PAFAH1B1: variants seen among roughly 807,000 people sequenced by gnomAD.
The protein encoded by PAFAH1B1 is platelet activating factor acetylhydrolase 1b regulatory subunit 1.
In PAFAH1B1, 2 loss-of-function variants were observed where a neutral mutation model predicts 57.5. The ratio of observed to expected loss-of-function variants is 0.03; its 90% confidence interval spans 0.01 to 0.11. The LOEUF is 0.11. PAFAH1B1 is among the 10% of genes least tolerant of loss of function. PAFAH1B1 has a pLI of 1.00. For missense variants in PAFAH1B1, 257 were observed against 512.0 expected (o/e 0.50, Z 4.81); for synonymous variants, 152 against 169.6 (o/e 0.90, Z 0.81).
intron 1 of PAFAH1B1, among the ~76,000 whole-genome samples, chr17:2,625,254 G>A (rs1278527879): frequency 6.6e-6 from 1 of 152,022 alleles, no homozygotes; most frequent in African/African-American, 2.4e-5. Context: ...ATATTGACAT[G>A]CAAATGAAAA....
intron 1 of PAFAH1B1, among the ~76,000 whole-genome samples, chr17:2,635,746 A>G (rs533950393): frequency 6.6e-6 from 1 of 152,170 alleles, no homozygotes; most frequent in South Asian, 2.1e-4. Context: ...TGTAATATAC[A>G]TAATATAGTG....
intron 2 of PAFAH1B1, chr17:2,640,057 G>A (rs1299314279): frequency 6.6e-6 from 1 of 152,194 alleles, no homozygotes; most frequent in Non-Finnish European, 1.5e-5. Context: ...CACTCTGTGT[G>A]TTGGGGGTCT....
intron 4 of PAFAH1B1, 62 bp from the exon 5 acceptor site, chr17:2,666,930 A>T: frequency 7.5e-7 from 1 of 1,335,188 alleles, no homozygotes; most frequent in Non-Finnish European, 1.1e-6. Context: ...GCAGTTTTTT[A>T]AAATGTCACA....
At chr17:2,647,081 G>A (rs2068778950) in intron 2 of PAFAH1B1, among the ~76,000 whole-genome samples, 4 of 152,148 alleles carry the variant, frequency 2.6e-5, no homozygotes, top group Admixed American at 6.5e-5. Context: ...TGGGCACAGT[G>A]GCTCATGCCT....
At chr17:2,618,954 CAA>C (rs34683975) in intron 1 of PAFAH1B1, among the ~76,000 whole-genome samples, 1,590 of 76,218 alleles carry the variant, frequency 0.021, 8 homozygotes, top group African/African-American at 0.047. Flanking sequence ...GACTCCGTCT[CAA>C]AAAAAAAAAA....
In PAFAH1B1 at chr17:2,685,453, C is replaced by T. The variant is rs989676095; in HGVS notation, c.*3651C>T. 6.6e-6 allele frequency: 1 copy of T among 152,436 alleles called. No individual in the cohort carries two copies. The highest frequency in any genetic ancestry group is 2.4e-5 in the African/African-American group (1 of 41,366). 9.4% of individuals were successfully genotyped at this position (152,436 alleles called of 1,614,324 possible). A position where few individuals can be genotyped will look rare whatever the true frequency, so the allele number is the denominator to read the frequency against. On this transcript the variant is annotated 3_prime_UTR_variant, in exon 11 of 11. Coordinates refer to ENST00000397195, the MANE Select transcript of PAFAH1B1 (RefSeq NM_000430.4). ...TAAGAGTTCACTGAAGATATTGACACAATTTTAAAAAATCAGTAAAGGAAT... is the reference window on the plus strand; with the variant it reads ...TAAGAGTTCACTGAAGATATTGACATAATTTTAAAAAATCAGTAAAGGAAT...
At chr17:2,597,958 G>A (rs971626394) in intron 1 of PAFAH1B1, among the ~76,000 whole-genome samples, 6 of 152,044 alleles carry the variant, frequency 3.9e-5, no homozygotes, top group Admixed American at 6.6e-5. Context: ...TTAAGATGAA[G>A]ATGTCTGGCC....
At chr17:2,677,120 T>A (rs955319367) in intron 9 of PAFAH1B1, among the ~76,000 whole-genome samples, 2 of 152,156 alleles carry the variant, frequency 1.3e-5, no homozygotes, top group Non-Finnish European at 2.9e-5. Context: ...GCCACTGCAC[T>A]CCAGCCTGGG....
At chr17:2,677,798 G>T (rs954262770) in intron 9 of PAFAH1B1, among the ~76,000 whole-genome samples, 1 of 152,046 alleles carries the variant, frequency 6.6e-6, no homozygotes, top group African/African-American at 2.4e-5. Flanking sequence ...AGCTTGCAGT[G>T]ACCGGAGATG....
rs532362500 is a variant in PAFAH1B1, at chr17:2,667,723, T to C, written c.399+525T>C. On this transcript the variant is annotated intron_variant, in intron 5 of 10. Transcript: ENST00000397195. ...TAGAGGATTCATTTAAATTGGGCTT[T>C]CCTTGATGTATTTAAAATTGGCTTT... Among the ~76,000 whole-genome samples, 201 of 152,100 alleles carry C rather than the reference T, an allele frequency of 1.3e-3. 1 individual carries two copies. The highest frequency in any genetic ancestry group is 7.0e-3 in the Admixed American group (107 of 15,280).
chr17:2,655,298 T>C (rs2068922671), intron 2 of PAFAH1B1, among the ~76,000 whole-genome samples: 1 of 151,936 alleles, frequency 6.6e-6, no homozygotes, highest in Non-Finnish European at 1.5e-5. Flanking sequence ...GGAGAATTCA[T>C]ACAAAGCCCT....
At chr17:2,663,349 G>A (rs1029686504) in intron 2 of PAFAH1B1, among the ~76,000 whole-genome samples, 1 of 152,146 alleles carries the variant, frequency 6.6e-6, no homozygotes, top group Non-Finnish European at 1.5e-5. Context: ...GCACCCTTTA[G>A]GCTGTTAGAA....
rs2068053333 is a variant in PAFAH1B1 at position 2,593,930 on chromosome 17, C to G, written c.-267C>G. On this transcript the variant is annotated 5_prime_UTR_variant, in exon 1 of 11. Coordinates refer to ENST00000397195, the MANE Select transcript of PAFAH1B1 (RefSeq NM_000430.4). ...TCCCTCCCTCCTTCCTCCCTCCCCTCTCCCTCCCCCTCCCCCGCCGGTGGA... is the reference window on the plus strand; with the variant it reads ...TCCCTCCCTCCTTCCTCCCTCCCCTGTCCCTCCCCCTCCCCCGCCGGTGGA... The G allele has an allele frequency of 7.9e-6, 3 of 380,146 alleles. No homozygotes were observed. The highest frequency in any genetic ancestry group is 6.7e-4 in the Middle Eastern group (1 of 1,498). The allele number at this position is 380,146 out of a possible 1,614,324, so 23.5% of individuals were successfully genotyped here.
At chr17:2,642,267 C>G (rs954770924) in intron 2 of PAFAH1B1, 5 of 152,202 alleles carry the variant, frequency 3.3e-5, no homozygotes, top group African/African-American at 1.2e-4. Flanking sequence ...GTCCAGAAAT[C>G]CAAAATGCTT....
intron 2 of PAFAH1B1, among the ~76,000 whole-genome samples, chr17:2,642,755 G>A (rs2068713229): frequency 6.6e-6 from 1 of 152,152 alleles, no homozygotes; most frequent in Admixed American, 6.5e-5. Flanking sequence ...GTGTTAATAG[G>A]TTACTTAGAA....
At chr17:2,607,128 GC>G (rs1358769324) in intron 1 of PAFAH1B1, among the ~76,000 whole-genome samples, 3 of 148,688 alleles carry the variant, frequency 2.0e-5, no homozygotes, top group Non-Finnish European at 4.5e-5. Flanking sequence ...TTGGCCTAGA[GC>G]TTTTTTAAAG....
At chr17:2,616,847 A>C (rs1176741903) in intron 1 of PAFAH1B1, among the ~76,000 whole-genome samples, 1 of 151,832 alleles carries the variant, frequency 6.6e-6, no homozygotes, top group African/African-American at 2.4e-5. Flanking sequence ...ACAGATCACG[A>C]GGTCAAGAGA....
At chr17:2,643,981 A>C (rs956504182) in intron 2 of PAFAH1B1, among the ~76,000 whole-genome samples, 6 of 152,170 alleles carry the variant, frequency 3.9e-5, no homozygotes, top group African/African-American at 1.2e-4. Context: ...AGATCCTCCC[A>C]CGTCAGTCTT....
chr17:2,602,572 T>C (rs1465820579), intron 1 of PAFAH1B1, among the ~76,000 whole-genome samples: 2 of 152,142 alleles, frequency 1.3e-5, no homozygotes, highest in African/African-American at 4.8e-5. Flanking sequence ...ACCATCATAG[T>C]TCACATAATC....
Sources: gnomAD v4.1 joint callset for allele counts (sites outside exome capture counted in the v4.1 genomes callset) on GRCh38, gnomAD v4.1.1 for gene constraint, MANE v1.5 for transcripts, NCBI Gene and HGNC (gene_info 2026-07-23, HGNC 2026-07-21) for gene names.